Variants in CEP44 observed in about 807,000 individuals in gnomAD.
CEP44 encodes the protein centrosomal protein 44.
A neutral mutation model predicts 46.7 loss-of-function variants in CEP44; 45 were observed. That is an observed-to-expected ratio of 0.96 (90% CI 0.76 to 1.24). The LOEUF is 1.24. Ranked by LOEUF, CEP44 falls within the 50% of genes most tolerant of loss-of-function variation. The pLI is 0.00. For synonymous variants in CEP44, 142 were observed against 146.0 expected (o/e 0.97, Z 0.20); for missense variants, 475 against 459.7 (o/e 1.03, Z -0.30).
In CEP44 at chr4:174,310,743, C is replaced by A. The variant is rs765302060; in HGVS notation, c.886-40C>A. The stretch of plus-strand genomic sequence containing the variant: ...AAGAATATAAAATGAGAGGGTTTTT[C>A]TTTTTATTTCATTCTAAATATTTAA... On this transcript the variant is annotated intron_variant, in intron 8 of 11. Transcript: ENST00000503780. The surrounding 1 kb of genome is among the most constrained non-coding windows in gnomAD (Gnocchi z 4.2). The A allele has an allele frequency of 1.0e-6, 1 of 954,824 alleles. No individual in the cohort carries two copies. 59.1% of individuals were successfully genotyped at this position (954,824 alleles called of 1,614,324 possible).
rs980400215 is a variant in CEP44 at position 174,303,002 on chromosome 4, G to A, written c.238-701G>A. Among the ~76,000 whole-genome samples the A allele has an allele frequency of 2.0e-5, 3 of 151,932 alleles. No homozygotes were observed. In the South Asian group the frequency reaches 6.2e-4, roughly 32 times the overall value. Reference sequence around the variant, plus strand: ...TCACCATGTTGGCCAGGATGGTCTCGATCTCCTGACCTTGTGCTCTGCCCA... The same window carrying A: ...TCACCATGTTGGCCAGGATGGTCTCAATCTCCTGACCTTGTGCTCTGCCCA... On this transcript the variant is annotated intron_variant, in intron 4 of 11. Coordinates refer to ENST00000503780, the MANE Select transcript of CEP44 (RefSeq NM_001040157.3).
rs1169581757 is a variant in CEP44, at chr4:174,301,992, T to C, written c.90-47T>C. ...TTGATTATCCAACTTTGTGGAATTATGCTTATTAAATGCTTATTAAAAATA... is the reference window on the plus strand; with the variant it reads ...TTGATTATCCAACTTTGTGGAATTACGCTTATTAAATGCTTATTAAAAATA... On this transcript the variant is annotated intron_variant, in intron 3 of 11. Coordinates refer to ENST00000503780, the MANE Select transcript of CEP44 (RefSeq NM_001040157.3). The surrounding 1 kb of genome is among the most constrained non-coding windows in gnomAD (Gnocchi z 4.3). The C allele has an allele frequency of 2.6e-6, 4 of 1,510,514 alleles. No individual in the cohort carries two copies. The highest frequency in any genetic ancestry group is 3.6e-6 in the Non-Finnish European group (4 of 1,118,084). 93.6% of individuals were successfully genotyped at this position (1,510,514 alleles called of 1,614,324 possible).
At chr4:174,291,581 T>C (rs1738202347) in intron 1 of CEP44, among the ~76,000 whole-genome samples, 1 of 152,082 alleles carries the variant, frequency 6.6e-6, no homozygotes, top group African/African-American at 2.4e-5. Flanking sequence ...TATTGCAATA[T>C]TCCATGTTTG....
intron 6 of CEP44, among the ~76,000 whole-genome samples, chr4:174,307,709 G>A (rs1239887557): frequency 6.6e-6 from 1 of 152,024 alleles, no homozygotes; most frequent in African/African-American, 2.4e-5. Flanking sequence ...TTGCAAACTT[G>A]TATCTGACAA....
rs575910416 is a variant in CEP44, at chr4:174,297,473, C to T, written c.-147-493C>T. ...GGCTTATCAATAAGTGAGTTTGCTG[C>T]AGGTTTATTGGGCAAGACCTGCCCT... On this transcript the variant is annotated intron_variant, in intron 1 of 11. Coordinates refer to ENST00000503780, the MANE Select transcript of CEP44 (RefSeq NM_001040157.3). This position sits in a 1 kb window ranked among gnomAD's most constrained non-coding sequence, Gnocchi z 4.3. Among the ~76,000 whole-genome samples, 1 of 152,242 alleles carries T rather than the reference C, an allele frequency of 6.6e-6. No homozygotes were observed. Among genetic ancestry groups the T allele is most frequent in the East Asian group, 1.9e-4 (1 of 5,178 alleles).
rs576101297 is a variant in CEP44 at position 174,287,040 on chromosome 4, G to A, written c.-148+3097G>A. On this transcript the variant is annotated intron_variant, in intron 1 of 11. Transcript: ENST00000503780. The surrounding 1 kb of genome is among the most constrained non-coding windows in gnomAD (Gnocchi z 5.1). ...AAGTAGACAGCTGGCTAACCAGCAG[G>A]AGTTTGGGACCGATGACAGTGCAAA... 2.0e-5 allele frequency among the ~76,000 whole-genome samples: 3 copies of A among 152,290 alleles called. No individual in the cohort carries two copies. Among genetic ancestry groups the A allele is most frequent in the East Asian group, 3.9e-4 (2 of 5,182 alleles).
At chr4:174,302,618 A>G (rs1579107342) in intron 4 of CEP44, among the ~76,000 whole-genome samples, 1 of 151,942 alleles carries the variant, frequency 6.6e-6, no homozygotes, top group African/African-American at 2.4e-5. Flanking sequence ...CATGTCTTAT[A>G]TTGTATCTAC....
rs1737240277 is a variant in CEP44, at chr4:174,283,974, A to G, written c.-148+31A>G. On this transcript the variant is annotated intron_variant, in intron 1 of 11. Coordinates refer to ENST00000503780, the MANE Select transcript of CEP44 (RefSeq NM_001040157.3). This position sits in a 1 kb window ranked among gnomAD's most constrained non-coding sequence, Gnocchi z 6.7. Reference sequence around the variant, plus strand: ...TGGCGGGCAGGAACCCACAATTCCAAATACAAACGGTCGGCGCGAGAAGCG... The same window carrying G: ...TGGCGGGCAGGAACCCACAATTCCAGATACAAACGGTCGGCGCGAGAAGCG... 2.5e-6 allele frequency: 1 copy of G among 399,550 alleles called. No homozygotes were observed. The highest frequency in any genetic ancestry group is 1.3e-4 in the South Asian group (1 of 7,876). The allele number at this position is 399,550 out of a possible 1,614,324, so 24.8% of individuals were successfully genotyped here.
chr4:174,286,165 A>C lies in CEP44; in HGVS notation c.-148+2222A>C, dbSNP rs1029439969. Among the ~76,000 whole-genome samples, 6 of 152,248 alleles carry C rather than the reference A, an allele frequency of 3.9e-5. No individual in the cohort carries two copies. Among genetic ancestry groups the C allele is most frequent in the Non-Finnish European group, 8.8e-5 (6 of 68,038 alleles). On this transcript the variant is annotated intron_variant, in intron 1 of 11. Transcript: ENST00000503780. This position sits in a 1 kb window ranked among gnomAD's most constrained non-coding sequence, Gnocchi z 5.2. ...TAAAGGAGACTAGGAACAGAAAGGT[A>C]GGTTCATAAAGAGGGAGCAGTTGCT...
intron 8 of CEP44, among the ~76,000 whole-genome samples, chr4:174,328,635 T>C (rs959471769): frequency 6.6e-5 from 10 of 152,144 alleles, no homozygotes; most frequent in Non-Finnish European, 1.3e-4. Flanking sequence ...ATCCAGAAAA[T>C]TGTCTGTAAT....
At chr4:174,325,319 T>C (rs1165439910), downstream of CEP44, among the ~76,000 whole-genome samples, 6 of 152,154 alleles carry the variant, frequency 3.9e-5, no homozygotes, top group Non-Finnish European at 8.8e-5. This position sits in a 1 kb window ranked among gnomAD's most constrained non-coding sequence, Gnocchi z 4.4. Context: ...GCAGAAGTTT[T>C]AAATTTTTAT....
rs538868363 is a variant in CEP44 at position 174,331,109 on chromosome 4, T to C, written c.1087-373T>C. 8.5e-5 allele frequency among the ~76,000 whole-genome samples: 13 copies of C among 152,272 alleles called. No individual in the cohort carries two copies. The highest frequency in any genetic ancestry group is 3.1e-4 in the African/African-American group (13 of 41,556). ...CTATAGGAATTGTTGTTTAAGTGTA[T>C]GCTCATCACAATGGAGTATTTTCAT... On this transcript the variant is annotated intron_variant, in intron 8 of 8. Transcript: ENST00000426172. The surrounding 1 kb of genome is among the most constrained non-coding windows in gnomAD (Gnocchi z 4.5).
chr4:174,286,349 G>A lies in CEP44; in HGVS notation c.-148+2406G>A, dbSNP rs978104561. Among the ~76,000 whole-genome samples the A allele has an allele frequency of 5.3e-5, 8 of 152,176 alleles. No individual in the cohort carries two copies. The highest frequency in any genetic ancestry group is 1.9e-4 in the African/African-American group (8 of 41,440). On this transcript the variant is annotated intron_variant, in intron 1 of 11. Coordinates refer to ENST00000503780, the MANE Select transcript of CEP44 (RefSeq NM_001040157.3). The surrounding 1 kb of genome is among the most constrained non-coding windows in gnomAD (Gnocchi z 5.2). ...GATGATTTGTATCCTGGACAGCTGG[G>A]TAATGCGAATTGGAGGAAAAGATCA...
In CEP44 at chr4:174,299,070, A is replaced by T; in HGVS notation, c.-50-2A>T. ...CAGTATTTCATGGATTTCTATTTTCAGGTGAAAAATTAGACGATTTCAAGA... is the reference window on the plus strand; with the variant it reads ...CAGTATTTCATGGATTTCTATTTTCTGGTGAAAAATTAGACGATTTCAAGA... On this transcript the variant is annotated splice_acceptor_variant, in intron 2 of 11. Transcript: ENST00000503780. LOFTEE classifies it low-confidence loss of function (5UTR_SPLICE). 1 of 1,477,122 alleles carries T rather than the reference A, an allele frequency of 6.8e-7. No individual in the cohort carries two copies. Among genetic ancestry groups the T allele is most frequent in the Admixed American group, 1.8e-5 (1 of 56,048 alleles). The allele number at this position is 1,477,122 out of a possible 1,614,324, so 91.5% of individuals were successfully genotyped here.
chr4:174,315,653 A>C (rs1438199425), intron 9 of CEP44, among the ~76,000 whole-genome samples: 1 of 152,110 alleles, frequency 6.6e-6, no homozygotes, highest in African/African-American at 2.4e-5. Flanking sequence ...TTAAGAAAAG[A>C]ATACGGTGAA....
chr4:174,295,089 C>G (rs1738792827), intron 1 of CEP44, among the ~76,000 whole-genome samples: 2 of 151,016 alleles, frequency 1.3e-5, no homozygotes, highest in South Asian at 4.2e-4. Flanking sequence ...CTGATCCCCC[C>G]ACCTCCCTCC....
In CEP44 at chr4:174,304,291, A is replaced by G; in HGVS notation, c.429A>G (p.Glu143=). 1 of 1,608,806 alleles carries G rather than the reference A, an allele frequency of 6.2e-7. No homozygotes were observed. The highest frequency in any genetic ancestry group is 8.5e-7 in the Non-Finnish European group (1 of 1,178,678). The part of the protein sequence containing the change: ...QRKKISSGKS[E]PPLGNEKISA... ...AGAAAATCAGTTCTGGTAAGTCAGA[A>G]CCTCCTTTGGGCAATGAGAAAATAT... Residue 143 remains glutamate, a synonymous_variant, in exon 6 of 12, where the codon GAA becomes GAG. Transcript: ENST00000503780.
At chr4:174,304,798 T>C (rs1235690412) in intron 6 of CEP44, among the ~76,000 whole-genome samples, 5 of 151,924 alleles carry the variant, frequency 3.3e-5, no homozygotes, top group Non-Finnish European at 7.4e-5. Context: ...TATCCAATAA[T>C]TGGTAGTCCC....
At position 174,317,681 on chromosome 4, in the gene CEP44, G is replaced by C. The variant is rs1019482474; in HGVS notation, c.*298G>C. 1 of 1,009,452 alleles carries C rather than the reference G, an allele frequency of 9.9e-7. No homozygotes were observed. The highest frequency in any genetic ancestry group is 1.7e-5 in the African/African-American group (1 of 58,108). The allele number at this position is 1,009,452 out of a possible 1,614,324, so 62.5% of individuals were successfully genotyped here. A position where few individuals can be genotyped will look rare whatever the true frequency, so the allele number is the denominator to read the frequency against. ...TGTATTTCTGTGTTGACATTTGTTG[G>C]CAGTGTGCTAAGTAATGTTTTTTAA... On this transcript the variant is annotated 3_prime_UTR_variant, in exon 12 of 12. Coordinates refer to ENST00000503780, the MANE Select transcript of CEP44 (RefSeq NM_001040157.3).
Sources: allele counts gnomAD v4.1 joint callset (sites outside exome capture counted in the v4.1 genomes callset), GRCh38; gene constraint gnomAD v4.1.1; non-coding constraint Gnocchi (gnomAD v3.1); transcripts MANE v1.5; gene names NCBI Gene and HGNC (gene_info 2026-07-23, HGNC 2026-07-21).